The following RIMKLB variants were observed in gnomAD, a reference collection of about 807,000 sequenced individuals.
The protein encoded by RIMKLB is beta-citrylglutamate synthase B.
RIMKLB carries 7 observed loss-of-function variants against 32.0 expected under a neutral mutation model. The ratio of observed to expected loss-of-function variants is 0.22; its 90% CI spans 0.12 to 0.41. RIMKLB has a LOEUF of 0.41. Ranked by LOEUF, RIMKLB falls within the 10% of genes least tolerant of loss-of-function variation. RIMKLB has a pLI of 1.00. For missense variants in RIMKLB, 289 were observed against 498.7 expected, an observed-to-expected ratio of 0.58 and a Z score of 4.00; for synonymous variants, 172 against 185.1, an observed-to-expected ratio of 0.93 and a Z score of 0.57.
In RIMKLB at chr12:8,776,855, T is replaced by C. The variant is rs1159429087; in HGVS notation, c.*3071T>C. ...AGACTTTGAGAACATATTGAAGGCA[T>C]TGACTTTGAAAATCATCTCTTTTTC... On this transcript the variant is annotated 3_prime_UTR_variant, in exon 6 of 6. Transcript: ENST00000535829. The C allele has an allele frequency of 2.0e-6, 2 of 985,738 alleles. No homozygotes were observed. The highest frequency in any genetic ancestry group is 1.7e-5 in the African/African-American group (1 of 57,234). 61.1% of individuals were successfully genotyped at this position (985,738 alleles called of 1,614,324 possible).
chr12:8,739,500 G>T (rs775850985), intron 2 of RIMKLB, among the ~76,000 whole-genome samples: 14 of 151,772 alleles, frequency 9.2e-5, no homozygotes, highest in Non-Finnish European at 1.3e-4. Flanking sequence ...TTCTTTTTTT[G>T]AGACAGGGCC....
At chr12:8,753,175 C>T (rs1948759217) in intron 4 of RIMKLB, among the ~76,000 whole-genome samples, 1 of 152,200 alleles carries the variant, frequency 6.6e-6, no homozygotes, top group South Asian at 2.1e-4. Context: ...TTTGGCTTCT[C>T]CAGTAGAGCA....
rs60066068 is a variant in RIMKLB, at chr12:8,743,354, C to CAAA, written c.176-6487_176-6485dup. 5.4e-3 allele frequency among the ~76,000 whole-genome samples: 349 copies of CAAA among 65,104 alleles called. 15 individuals carry two copies. Among genetic ancestry groups the CAAA allele is most frequent in the African/African-American group, 0.019 (327 of 17,442 alleles). 42.7% of individuals were successfully genotyped at this position (65,104 alleles called of 152,430 possible). A position where few individuals can be genotyped will look rare whatever the true frequency, so the allele number is the denominator to read the frequency against. Reference sequence around the variant, plus strand: ...GGGTGACAGAGCCAAGAGTCTGTCTCAAAAAAAAAAAAAAAAAAAAAAATT... The same window carrying CAAA: ...GGGTGACAGAGCCAAGAGTCTGTCTCAAAAAAAAAAAAAAAAAAAAAAAAAATT... On this transcript the variant is annotated intron_variant, in intron 2 of 5. Coordinates refer to ENST00000535829, the MANE Select transcript of RIMKLB (RefSeq NM_001297776.2).
Position 8,775,896 on chromosome 12 carries a change from A to G in RIMKLB, c.*2112A>G. ...GTAAATGGGGGACTCACATACATAT[A>G]TTAATACCTCTGACTCATTAACAGA... On this transcript the variant is annotated 3_prime_UTR_variant, in exon 6 of 6. Transcript: ENST00000535829. The G allele has an allele frequency of 4.1e-6, 4 of 985,220 alleles. No homozygotes were observed. The highest frequency in any genetic ancestry group is 4.8e-6 in the Non-Finnish European group (4 of 829,736). The allele number at this position is 985,220 out of a possible 1,614,324, so 61.0% of individuals were successfully genotyped here.
At chr12:8,716,220 A>G (rs747895223) in intron 2 of RIMKLB, among the ~76,000 whole-genome samples, 4 of 152,174 alleles carry the variant, frequency 2.6e-5, no homozygotes, top group African/African-American at 4.8e-5. Flanking sequence ...GTGTAGGTTG[A>G]AAAGGATCTA....
At chr12:8,782,519 A>G (rs866762774) in intron 7 of RIMKLB, among the ~76,000 whole-genome samples, 3 of 152,140 alleles carry the variant, frequency 2.0e-5, no homozygotes, top group Admixed American at 6.5e-5. Context: ...AATTAAGTAG[A>G]AAATATTATG....
intron 2 of RIMKLB, among the ~76,000 whole-genome samples, chr12:8,746,202 A>G (rs1948071106): frequency 6.6e-6 from 1 of 151,558 alleles, no homozygotes; most frequent in Non-Finnish European, 1.5e-5. Context: ...CATTCTCTAT[A>G]TCCTTATCTC....
At chr12:8,716,725 CTTTTTTTTTTTTTTTT>C (rs71451981) in intron 2 of RIMKLB, among the ~76,000 whole-genome samples, 7 of 95,158 alleles carry the variant, frequency 7.4e-5, no homozygotes, top group Non-Finnish European at 1.4e-4. Flanking sequence ...TCTTTTCCTT[CTTTTTTTTTTTTTTTT>C]TTTTTTTTAC....
chr12:8,718,669 A>ATGTGTGTGTGTG (rs1182850325), intron 2 of RIMKLB, among the ~76,000 whole-genome samples: 8 of 116,126 alleles, frequency 6.9e-5, no homozygotes, highest in Non-Finnish European at 1.5e-4. Context: ...ATATATATAT[A>ATGTGTGTGTGTG]TGTGTGTGTG....
chr12:8,753,886 A>T lies in RIMKLB; in HGVS notation c.494-4A>T. 6.2e-7 allele frequency: 1 copy of T among 1,612,198 alleles called. No homozygotes were observed. Among genetic ancestry groups the T allele is most frequent in the Non-Finnish European group, 8.5e-7 (1 of 1,178,288 alleles). On this transcript the variant is annotated splice_polypyrimidine_tract_variant and splice_region_variant and intron_variant, in intron 4 of 5. Coordinates refer to ENST00000535829, the MANE Select transcript of RIMKLB (RefSeq NM_001297776.2). ...ACATGTATTTTTATTCTTTTCAATC[A>T]TAGGTAAAGCTGTTTTCTTGGCTCG...
chr12:8,674,042 A>G, the RIMKLB span, among the ~76,000 whole-genome samples: 12 of 151,998 alleles, frequency 7.9e-5, no homozygotes, highest in African/African-American at 2.9e-4. Context: ...AGGGAAAGAG[A>G]AATAAACTCC....
intron 2 of RIMKLB, among the ~76,000 whole-genome samples, chr12:8,744,984 A>G (rs1182010527): frequency 6.6e-6 from 1 of 151,842 alleles, no homozygotes; most frequent in Non-Finnish European, 1.5e-5. Context: ...TCCTAATGCT[A>G]TCCCTCCCCC....
In RIMKLB at chr12:8,744,282, G is replaced by A. The variant is rs1947870985; in HGVS notation, c.176-5580G>A. ...TAACATCAGGTATTTGTTACAGGAG[G>A]CATTGAATTTCTTTCCATCCTCACT... is the stretch of plus-strand genomic sequence containing the variant. On this transcript the variant is annotated intron_variant, in intron 2 of 5. Transcript: ENST00000535829. Among the ~76,000 whole-genome samples, 2 of 151,876 alleles carry A rather than the reference G, an allele frequency of 1.3e-5. 1 individual carries two copies. The highest frequency in any genetic ancestry group is 4.9e-5 in the African/African-American group (2 of 41,144).
rs779819698 is a variant in RIMKLB at position 8,713,890 on chromosome 12, G to C, written c.24G>C (p.Lys8Asn). 1 of 1,614,104 alleles carries C rather than the reference G, an allele frequency of 6.2e-7. No individual in the cohort carries two copies. The highest frequency in any genetic ancestry group is 2.2e-5 in the East Asian group (1 of 44,876). ...AGATGTGTAGTTCTGTGGCTGCCAA[G>C]TTGTGGTTTTTGACAGATCGTCGCA... Reference protein sequence around the residue: MCSSVAAKLWFLTDRRIR... With the variant: MCSSVAANLWFLTDRRIR... The change falls in exon 2 of 6, where the codon AAG becomes AAC. Residue 8 changes from lysine to asparagine, a missense_variant. By Grantham distance (94) the Lys-to-Asn change is moderately conservative. Transcript: ENST00000535829.
At chr12:8,771,481 A>G (rs1002227725) in intron 5 of RIMKLB, among the ~76,000 whole-genome samples, 1 of 152,208 alleles carries the variant, frequency 6.6e-6, no homozygotes, top group African/African-American at 2.4e-5. Context: ...ACAAAAACCA[A>G]TATATAATTT....
intron 2 of RIMKLB, among the ~76,000 whole-genome samples, chr12:8,745,355 T>G (rs1307416916): frequency 6.6e-6 from 1 of 151,840 alleles, no homozygotes; most frequent in East Asian, 1.9e-4. Context: ...TATTTTCAAC[T>G]TATATATTCC....
At chr12:8,723,956 C>T (rs940371478) in intron 2 of RIMKLB, among the ~76,000 whole-genome samples, 2 of 151,546 alleles carry the variant, frequency 1.3e-5, no homozygotes, top group African/African-American at 2.4e-5. Context: ...GCTGGGACTA[C>T]AGGCACGCGC....
intron 5 of RIMKLB, among the ~76,000 whole-genome samples, chr12:8,765,897 C>CT (rs1466659980): frequency 6.6e-6 from 1 of 152,072 alleles, no homozygotes; most frequent in Non-Finnish European, 1.5e-5. Flanking sequence ...CCATTTGCCT[C>CT]TTTTTTTATA....
Position 8,751,947 on chromosome 12 carries a change from C to T in RIMKLB, c.407-10C>T, listed in dbSNP as rs367587937. The T allele has an allele frequency of 6.3e-7, 1 of 1,596,018 alleles. No individual in the cohort carries two copies. The highest frequency in any genetic ancestry group is 8.6e-7 in the Non-Finnish European group (1 of 1,164,256). On this transcript the variant is annotated splice_polypyrimidine_tract_variant and intron_variant, in intron 3 of 5. Coordinates refer to ENST00000535829, the MANE Select transcript of RIMKLB (RefSeq NM_001297776.2). The stretch of plus-strand genomic sequence containing the variant: ...CTGTTTGTCTTAAATTTTTGTATTG[C>T]TCAAACCAGGTGGCCACGAAAATTT...
Sources: gnomAD v4.1 joint callset for allele counts (sites outside exome capture counted in the v4.1 genomes callset) on GRCh38, gnomAD v4.1.1 for gene constraint, MANE v1.5 for transcripts, NCBI Gene and HGNC (gene_info 2026-07-23, HGNC 2026-07-21) for gene names.